MYH9: variants seen among roughly 807,000 people sequenced by gnomAD.
MYH9 encodes the protein myosin heavy chain 9, also known as myosin-9.
A neutral mutation model predicts 241.9 loss-of-function variants in MYH9; 29 were observed. The observed-to-expected ratio is 0.12, with a 90% CI of 0.09 to 0.16. The LOEUF (loss-of-function observed/expected upper bound fraction) is 0.16, where lower values mean the gene tolerates loss of function less well. MYH9 is among the 10% of genes least tolerant of loss of function. The pLI is 1.00. For synonymous variants in MYH9, 1,047 were observed against 1,062.6 expected (o/e 0.99, Z 0.29); for missense variants, 1,803 against 2,595.5 (o/e 0.69, Z 6.63).
At chr22:36,337,369 T>A (rs1416946275) in intron 3 of MYH9, among the ~76,000 whole-genome samples, 3 of 152,042 alleles carry the variant, frequency 2.0e-5, no homozygotes, top group Non-Finnish European at 4.4e-5. Flanking sequence ...AGTCTGACAA[T>A]AGGTGAGTGA....
Position 36,329,826 on chromosome 22 carries a change from TAC to T in MYH9, c.491-2340_491-2339del, listed in dbSNP as rs1265305545. Among the ~76,000 whole-genome samples the T allele has an allele frequency of 6.6e-6, 1 of 152,154 alleles. No homozygotes were observed. Among genetic ancestry groups the T allele is most frequent in the Non-Finnish European group, 1.5e-5 (1 of 68,024 alleles). On this transcript the variant is annotated intron_variant, in intron 3 of 40. Transcript: ENST00000216181. The surrounding 1 kb of genome is among the most constrained non-coding windows in gnomAD (Gnocchi z 4.1). ...ACATAGACACGCAAGCATCTGTGCA[TAC>T]ACAGTCACATATGGAGGTAGGTGTA...
chr22:36,302,744 T>C (rs2016901558), intron 19 of MYH9, 68 bp from the exon 20 acceptor site: 2 of 1,391,208 alleles, frequency 1.4e-6, no homozygotes, highest in Non-Finnish European at 2.0e-6. Context: ...GTCCTGGTCT[T>C]GTCCTCAAGC....
In MYH9 at chr22:36,296,937, G is replaced by A. The variant is rs56767084; in HGVS notation, c.3178C>T (p.Leu1060Phe). Residue 1060 changes from leucine (L) to phenylalanine (F), a missense_variant, in exon 25 of 41, where the codon CTC becomes TTC. Leu to Phe is a conservative substitution (Grantham distance 22, BLOSUM62 0). Coordinates refer to ENST00000216181, the MANE Select transcript of MYH9 (RefSeq NM_002473.6). Reference protein sequence around the residue: ...RRKLEGDSTDLSDQIAELQAQ... With the variant: ...RRKLEGDSTDFSDQIAELQAQ... ...TGGAGCTCGGCGATCTGGTCGCTGA[G>A]GTCTGTGGAGTCTCCCTCCAGCTTC... is the stretch of plus-strand genomic sequence containing the variant. 1 of 1,614,120 alleles carries A rather than the reference G, an allele frequency of 6.2e-7. No individual in the cohort carries two copies. Among genetic ancestry groups the A allele is most frequent in the African/African-American group, 1.3e-5 (1 of 75,068 alleles).
rs2017411285 is a variant in MYH9 at position 36,330,920 on chromosome 22, T to A, written c.491-3432A>T. On this transcript the variant is annotated intron_variant, in intron 3 of 40. Coordinates refer to ENST00000216181, the MANE Select transcript of MYH9 (RefSeq NM_002473.6). This position sits in a 1 kb window ranked among gnomAD's most constrained non-coding sequence, Gnocchi z 4.5. The stretch of plus-strand genomic sequence containing the variant: ...CCCACTGCCCCAGCCCCTCTCTTGG[T>A]GAGGGTGGGGTAGAGATGGGGTTAT... Among the ~76,000 whole-genome samples, 1 of 151,832 alleles carries A rather than the reference T, an allele frequency of 6.6e-6. No homozygotes were observed. Among genetic ancestry groups the A allele is most frequent in the Non-Finnish European group, 1.5e-5 (1 of 67,958 alleles).
chr22:36,286,617 G>C (rs1190129430), intron 35 of MYH9, 101 bp downstream of exon 35: 10 of 1,545,432 alleles, frequency 6.5e-6, no homozygotes, highest in African/African-American at 1.4e-5. Flanking sequence ...CCAATTCCTG[G>C]AGCCCAGTAG....
chr22:36,346,291 A>G (rs971410266), intron 2 of MYH9, among the ~76,000 whole-genome samples: 1 of 152,254 alleles, frequency 6.6e-6, no homozygotes, highest in Admixed American at 6.5e-5. Flanking sequence ...GTTGTCACAG[A>G]CTGATTTAGC....
At position 36,293,519 on chromosome 22, in the gene MYH9, G is replaced by C. The variant is rs756902450; in HGVS notation, c.3943-38C>G. 19 of 1,609,462 alleles carry C rather than the reference G, an allele frequency of 1.2e-5. No homozygotes were observed. The highest frequency in any genetic ancestry group is 1.5e-5 in the Non-Finnish European group (18 of 1,179,926). On this transcript the variant is annotated intron_variant, in intron 29 of 40. Coordinates refer to ENST00000216181, the MANE Select transcript of MYH9 (RefSeq NM_002473.6). The surrounding 1 kb of genome is among the most constrained non-coding windows in gnomAD (Gnocchi z 5.1). ...TGAGAGGGGTGCGGGTGCTTAGGAG[G>C]GTGGTGTCCAAAACCCAGGAACCCC...
chr22:36,349,082 T>C lies in MYH9; in HGVS notation c.155A>G (p.Glu52Gly), dbSNP rs755115939. 3.7e-6 allele frequency: 6 copies of C among 1,614,120 alleles called. 1 individual carries two copies. In the South Asian group the frequency reaches 6.6e-5, roughly 18 times the overall value. Residue 52 changes from glutamate (E) to glycine (G), a missense_variant, in exon 2 of 41, where the codon GAA becomes GGA. Glu to Gly is a moderately conservative substitution (Grantham distance 98, BLOSUM62 -2). Coordinates refer to ENST00000216181, the MANE Select transcript of MYH9 (RefSeq NM_002473.6). ...CTCCACCAGCTCCACGATGGCCTCT[T>C]CGCCCACCTCCTCCTTGAGGCTGGC... ...EPASLKEEVGEEAIVELVENG... is the reference protein window; with the variant it reads ...EPASLKEEVGGEAIVELVENG...
chr22:36,284,319 G>C (rs1038164678), intron 39 of MYH9, 54 bp from the exon 40 acceptor site: 21 of 1,604,002 alleles, frequency 1.3e-5, no homozygotes, highest in Non-Finnish European at 1.7e-5. Flanking sequence ...TGGGCGTGCA[G>C]CCAGTCAGCC....
chr22:36,337,489 C>T (rs1444770549), intron 3 of MYH9, among the ~76,000 whole-genome samples: 9 of 152,150 alleles, frequency 5.9e-5, no homozygotes, highest in Non-Finnish European at 1.0e-4. Context: ...CAAACCAGTA[C>T]ACTGAACAGA....
At chr22:36,333,916 T>C (rs902825545) in intron 3 of MYH9, among the ~76,000 whole-genome samples, 1 of 152,122 alleles carries the variant, frequency 6.6e-6, no homozygotes, top group African/African-American at 2.4e-5. Context: ...AGGGATTTGA[T>C]GTGAGTTTTT....
intron 1 of MYH9, chr22:36,365,008 C>T (rs561214711): frequency 6.6e-6 from 1 of 151,182 alleles, no homozygotes; most frequent in South Asian, 2.1e-4. Flanking sequence ...CCCACCAGCC[C>T]CTACTTCTGC....
At chr22:36,364,815 C>T (rs1025971130) in intron 1 of MYH9, 3 of 152,152 alleles carry the variant, frequency 2.0e-5, no homozygotes, top group Non-Finnish European at 4.4e-5. Flanking sequence ...GAGCCGCAGC[C>T]AGGAGGTAGA....
chr22:36,384,851 T>G (rs971918095), intron 1 of MYH9, among the ~76,000 whole-genome samples: 2 of 151,566 alleles, frequency 1.3e-5, no homozygotes, highest in African/African-American at 4.8e-5. Flanking sequence ...CTCACGTTCT[T>G]TCCACTACCC....
chr22:36,339,610 G>C (rs900892239), intron 3 of MYH9, among the ~76,000 whole-genome samples: 1 of 152,204 alleles, frequency 6.6e-6, no homozygotes, highest in African/African-American at 2.4e-5. Flanking sequence ...GGGTGGTGGA[G>C]GACAGGCTGC....
chr22:36,348,311 C>T (rs2017710747), intron 2 of MYH9, among the ~76,000 whole-genome samples: 1 of 150,912 alleles, frequency 6.6e-6, no homozygotes, highest in South Asian at 2.1e-4. Context: ...GCATTCAAGA[C>T]CAGCCTCGCC....
intron 1 of MYH9, among the ~76,000 whole-genome samples, chr22:36,381,323 T>C (rs937462534): frequency 7.2e-5 from 11 of 152,070 alleles, no homozygotes; most frequent in African/African-American, 2.7e-4. Context: ...GGGACCAACC[T>C]GGGCAACATG....
At chr22:36,321,887 G>A in intron 6 of MYH9, 66 bp from the exon 7 acceptor site, 1 of 1,385,166 alleles carries the variant, frequency 7.2e-7, no homozygotes, top group Non-Finnish European at 1.0e-6. Context: ...GAGCACGGGG[G>A]AGACCACAGC....
intron 1 of MYH9, among the ~76,000 whole-genome samples, chr22:36,367,928 C>G (rs560074283): frequency 3.9e-5 from 6 of 152,198 alleles, no homozygotes; most frequent in Admixed American, 6.5e-5. Context: ...CACACAGACA[C>G]GTGCAAAGAT....
Sources: gnomAD v4.1 joint callset for allele counts (sites outside exome capture counted in the v4.1 genomes callset) on GRCh38, gnomAD v4.1.1 for gene constraint, Gnocchi (gnomAD v3.1) non-coding constraint, MANE v1.5 for transcripts, NCBI Gene and HGNC (gene_info 2026-07-23, HGNC 2026-07-21) for gene names.